SCFD2: variants seen among roughly 807,000 people sequenced by gnomAD.
SCFD2 encodes sec1 family domain containing 2.
SCFD2 carries 54 observed loss-of-function variants against 58.9 expected under a neutral mutation model. The ratio of observed to expected loss-of-function variants is 0.92; its 90% CI spans 0.74 to 1.15. The LOEUF (loss-of-function observed/expected upper bound fraction) is 1.15, where lower values mean the gene tolerates loss of function less well. Among genes scored for constraint, SCFD2 ranks in the 50% most tolerant of loss-of-function variants. The pLI is 0.00. For synonymous variants in SCFD2, 321 were observed against 335.9 expected, an observed-to-expected ratio of 0.96 and a Z score of 0.49; for missense variants, 805 against 836.6, an observed-to-expected ratio of 0.96 and a Z score of 0.47.
chr4:53,104,606 A>C (rs1244695966), intron 5 of SCFD2, among the ~76,000 whole-genome samples: 1 of 152,236 alleles, frequency 6.6e-6, no homozygotes, highest in Non-Finnish European at 1.5e-5. Context: ...TACCATACTA[A>C]CGTAAGATGT....
intron 3 of SCFD2, among the ~76,000 whole-genome samples, chr4:53,302,752 C>T (rs532494636): frequency 6.6e-6 from 1 of 152,198 alleles, no homozygotes; most frequent in Middle Eastern, 3.4e-3. Context: ...CCAAAACAGA[C>T]ATATAGACCA....
chr4:52,911,351 T>A (rs201141280), intron 6 of SCFD2, among the ~76,000 whole-genome samples: 103 of 152,288 alleles, frequency 6.8e-4, no homozygotes, highest in Non-Finnish European at 9.8e-4. Flanking sequence ...TTTGACTAAA[T>A]TTTGGGGAAT....
chr4:53,260,287 G>C (rs1447837716), intron 4 of SCFD2, among the ~76,000 whole-genome samples: 4 of 152,114 alleles, frequency 2.6e-5, no homozygotes, highest in Non-Finnish European at 5.9e-5. Flanking sequence ...TGATGAGAGT[G>C]TGTATCCTTG....
chr4:52,972,224 A>G (rs1212675381), intron 5 of SCFD2, among the ~76,000 whole-genome samples: 6 of 152,230 alleles, frequency 3.9e-5, no homozygotes, highest in African/African-American at 7.2e-5. Context: ...AGACTGGCAA[A>G]TCGGATAAAG....
intron 5 of SCFD2, among the ~76,000 whole-genome samples, chr4:52,926,069 T>G (rs2109491487): frequency 6.6e-6 from 1 of 152,214 alleles, no homozygotes; most frequent in East Asian, 1.9e-4. Flanking sequence ...GGGAGCACAG[T>G]GTGGGTCCAT....
intron 2 of SCFD2, among the ~76,000 whole-genome samples, chr4:53,322,394 T>G (rs1452353792): frequency 2.6e-5 from 4 of 152,160 alleles, no homozygotes; most frequent in Non-Finnish European, 5.9e-5. Context: ...CATCAGAAAG[T>G]TACCCTATAT....
intron 5 of SCFD2, among the ~76,000 whole-genome samples, chr4:52,937,208 G>A (rs370213368): frequency 1.4e-4 from 22 of 152,336 alleles, no homozygotes; most frequent in East Asian, 9.6e-4. Flanking sequence ...GGCAGCAAGT[G>A]CAAAGGCTCT....
chr4:53,154,043 A>G (rs1440997455), intron 4 of SCFD2, among the ~76,000 whole-genome samples: 1 of 152,028 alleles, frequency 6.6e-6, no homozygotes, highest in Non-Finnish European at 1.5e-5. Flanking sequence ...ACTTCCCCTC[A>G]TCTTCCTTTT....
intron 7 of SCFD2, among the ~76,000 whole-genome samples, chr4:52,896,259 T>C (rs1332230848): frequency 6.6e-6 from 1 of 152,196 alleles, no homozygotes; most frequent in Non-Finnish European, 1.5e-5. Context: ...CTGAATGGTA[T>C]TGCCTAGGTT....
At chr4:52,948,228 A>G in intron 5 of SCFD2, 1 of 268,148 alleles carries the variant, frequency 3.7e-6, no homozygotes, top group Non-Finnish European at 7.5e-6. Context: ...GTGCTCTGTT[A>G]ATGCGCTTTC....
At chr4:53,247,390 T>C (rs963171661) in intron 4 of SCFD2, among the ~76,000 whole-genome samples, 4 of 152,150 alleles carry the variant, frequency 2.6e-5, no homozygotes, top group Admixed American at 2.0e-4. Flanking sequence ...CATTACTAGG[T>C]ATGTACCCAA....
intron 5 of SCFD2, among the ~76,000 whole-genome samples, chr4:53,073,813 A>G (rs538166851): frequency 1.3e-5 from 2 of 152,294 alleles, no homozygotes; most frequent in Admixed American, 6.5e-5. Context: ...TCTAAAAACA[A>G]TGTACATACC....
chr4:53,166,268 A>C (rs1037414637), intron 4 of SCFD2, among the ~76,000 whole-genome samples: 5 of 152,248 alleles, frequency 3.3e-5, no homozygotes, highest in Admixed American at 3.3e-4. Flanking sequence ...AGAGGTAGAG[A>C]TGTATCTGTA....
chr4:53,206,505 A>T (rs1156784912), intron 4 of SCFD2, among the ~76,000 whole-genome samples: 1 of 152,100 alleles, frequency 6.6e-6, no homozygotes, highest in Admixed American at 6.6e-5. Context: ...CATAGAAAAC[A>T]TGTTTGCTCC....
At chr4:53,320,627 A>G (rs1268927897) in intron 2 of SCFD2, among the ~76,000 whole-genome samples, 1 of 152,230 alleles carries the variant, frequency 6.6e-6, no homozygotes, top group Non-Finnish European at 1.5e-5. Flanking sequence ...CAAAAAATCA[A>G]TAAAAAATAA....
intron 3 of SCFD2, among the ~76,000 whole-genome samples, chr4:53,309,364 T>C (rs1732617173): frequency 6.6e-6 from 1 of 152,214 alleles, no homozygotes; most frequent in Non-Finnish European, 1.5e-5. Context: ...GGTGAGTTTA[T>C]AGGGCTGACA....
chr4:53,256,330 A>G (rs1317788506), intron 4 of SCFD2, among the ~76,000 whole-genome samples: 20 of 145,840 alleles, frequency 1.4e-4, no homozygotes, highest in African/African-American at 4.1e-4. Context: ...GACGATGGGC[A>G]GCCGGGCAGA....
intron 3 of SCFD2, among the ~76,000 whole-genome samples, chr4:53,281,217 T>C (rs1024700471): frequency 6.6e-5 from 10 of 152,248 alleles, no homozygotes; most frequent in African/African-American, 2.2e-4. Flanking sequence ...CATTGATTTA[T>C]AGAAATTTAG....
intron 4 of SCFD2, among the ~76,000 whole-genome samples, chr4:53,174,735 G>C (rs569269777): frequency 3.3e-5 from 5 of 152,214 alleles, no homozygotes; most frequent in African/African-American, 1.2e-4. Flanking sequence ...GTCCTGGAGT[G>C]GGGGAAGGTG....
Sources: gnomAD v4.1 joint callset for allele counts (sites outside exome capture counted in the v4.1 genomes callset) on GRCh38, gnomAD v4.1.1 for gene constraint, MANE v1.5 for transcripts, NCBI Gene and HGNC (gene_info 2026-07-23, HGNC 2026-07-21) for gene names.